The following SCTR variants were observed in gnomAD, a reference collection of about 807,000 sequenced individuals.
The protein encoded by SCTR is pancreatic secretin receptor.
Under a neutral mutation model 60.8 loss-of-function variants are expected in SCTR, and 56 were observed. The observed-to-expected ratio is 0.92, with a 90% CI of 0.74 to 1.15. The LOEUF is 1.15. SCTR is among the 50% of genes most tolerant of loss of function. The pLI, the probability that SCTR is intolerant of heterozygous loss-of-function variation, is 0.00. For missense variants in SCTR, 562 were observed against 550.4 expected, an observed-to-expected ratio of 1.02 and a Z score of -0.21; for synonymous variants, 202 against 217.0, an observed-to-expected ratio of 0.93 and a Z score of 0.61.
intron 2 of SCTR, among the ~76,000 whole-genome samples, chr2:119,488,997 G>A (rs1315444371): frequency 6.6e-6 from 1 of 152,136 alleles, no homozygotes; most frequent in African/African-American, 2.4e-5. Flanking sequence ...CAGACCCTCT[G>A]CCGCCACGGG....
chr2:119,502,169 T>C (rs1284599331), intron 1 of SCTR, among the ~76,000 whole-genome samples: 1 of 152,134 alleles, frequency 6.6e-6, no homozygotes, highest in East Asian at 1.9e-4. Flanking sequence ...GGCAGGAGGC[T>C]TAAGCCCATG....
chr2:119,465,844 A>G lies in SCTR; in HGVS notation c.448T>C (p.Tyr150His). The change falls in exon 5 of 13, where the codon TAC becomes CAC. Residue 150 changes from tyrosine (Y) to histidine (H), a missense_variant. By Grantham distance (83) the Tyr-to-His change is moderately conservative. Transcript: ENST00000019103. The part of the protein sequence containing the change: ...LKLKVMYTVG[Y>H]SSSLVMLLVA... ...AGGAGCATGACCAGGGAGGAGCTGT[A>G]GCCCACGGTGTACATGACTTTCAGC... 1 of 1,614,084 alleles carries G rather than the reference A, an allele frequency of 6.2e-7. No homozygotes were observed. Among genetic ancestry groups the G allele is most frequent in the Non-Finnish European group, 8.5e-7 (1 of 1,179,962 alleles).
At chr2:119,519,820 A>G (rs1430603781) in intron 1 of SCTR, among the ~76,000 whole-genome samples, 2 of 123,830 alleles carry the variant, frequency 1.6e-5, no homozygotes, top group African/African-American at 2.8e-5. Context: ...CAAAAAAAAA[A>G]AAAAAAAGAA....
At position 119,455,263 on chromosome 2, in the gene SCTR, T is replaced by C. The variant is rs1404646495; in HGVS notation, c.791-1916A>G. Among the ~76,000 whole-genome samples the C allele has an allele frequency of 2.6e-5, 4 of 152,210 alleles. No individual in the cohort carries two copies. The East Asian group carries it at 7.7e-4, about 29-fold the overall frequency. ...TGAACAGCCCCAGACAAAGAGCCTA[T>C]AGATAGCCATGGGGGGACCCCCCAA... is the stretch of plus-strand genomic sequence containing the variant. On this transcript the variant is annotated intron_variant, in intron 7 of 12. Coordinates refer to ENST00000019103, the MANE Select transcript of SCTR (RefSeq NM_002980.3).
chr2:119,490,046 C>T (rs1449749496), intron 2 of SCTR, among the ~76,000 whole-genome samples: 1 of 152,206 alleles, frequency 6.6e-6, no homozygotes, highest in African/African-American at 2.4e-5. Flanking sequence ...TTTGGCTGCA[C>T]CTCTGGCTGG....
At chr2:119,501,751 T>C (rs1678558700) in intron 1 of SCTR, among the ~76,000 whole-genome samples, 1 of 151,780 alleles carries the variant, frequency 6.6e-6, no homozygotes, top group South Asian at 2.1e-4. Context: ...TATGTAAAAC[T>C]ATGATACACC....
chr2:119,454,810 C>T (rs576119534), intron 7 of SCTR, among the ~76,000 whole-genome samples: 18 of 151,448 alleles, frequency 1.2e-4, no homozygotes, highest in Admixed American at 5.3e-4. Context: ...GTCAAGATTG[C>T]GCCACTGCGC....
chr2:119,474,579 C>A (rs1441669423), intron 3 of SCTR, among the ~76,000 whole-genome samples: 2 of 152,188 alleles, frequency 1.3e-5, no homozygotes, highest in Non-Finnish European at 1.5e-5. Flanking sequence ...AGCCCTGCCA[C>A]CCCTTTGCTC....
chr2:119,461,058 T>C (rs1683584366), intron 7 of SCTR, among the ~76,000 whole-genome samples: 1 of 152,204 alleles, frequency 6.6e-6, no homozygotes, highest in Non-Finnish European at 1.5e-5. Context: ...ACAAAGCCGA[T>C]GTTACGAAAG....
At chr2:119,464,011 G>T in intron 6 of SCTR, 112 bp downstream of exon 6, 1 of 1,158,124 alleles carries the variant, frequency 8.6e-7, no homozygotes, top group Non-Finnish European at 1.3e-6. Context: ...GGTATTAAGT[G>T]CAGCCTCAGC....
At chr2:119,466,986 C>G (rs1474239761) in intron 4 of SCTR, among the ~76,000 whole-genome samples, 1 of 152,172 alleles carries the variant, frequency 6.6e-6, no homozygotes, top group Non-Finnish European at 1.5e-5. Flanking sequence ...ATACATTGCG[C>G]GCCTATGCAG....
intron 1 of SCTR, among the ~76,000 whole-genome samples, chr2:119,500,291 G>C (rs1678499884): frequency 1.3e-5 from 2 of 152,138 alleles, no homozygotes; most frequent in African/African-American, 4.8e-5. Context: ...TTGTAGTACA[G>C]CTATTATGGA....
intron 2 of SCTR, among the ~76,000 whole-genome samples, chr2:119,485,122 T>C (rs1677809752): frequency 6.6e-6 from 1 of 152,238 alleles, no homozygotes; most frequent in African/African-American, 2.4e-5. Context: ...GAGATCCCCC[T>C]GAACGTGGTG....
At chr2:119,513,669 A>T (rs2860796) in intron 1 of SCTR, among the ~76,000 whole-genome samples, 23 of 152,110 alleles carry the variant, frequency 1.5e-4, no homozygotes, top group Middle Eastern at 6.8e-3. Context: ...TTTTAAATCC[A>T]CTTTCTTTTT....
intron 2 of SCTR, chr2:119,479,345 G>T: frequency 2.2e-6 from 2 of 927,714 alleles, no homozygotes; most frequent in Non-Finnish European, 2.6e-6. Context: ...AGACCTAGCC[G>T]GCGTGGCACA....
chr2:119,464,416 T>C (rs6729195), intron 5 of SCTR, among the ~76,000 whole-genome samples, 161 bp from the exon 6 acceptor site: 26,547 of 149,644 alleles, frequency 0.18, 2,515 homozygotes, highest in East Asian at 0.3. Flanking sequence ...GAACTGGGTC[T>C]CCAGGTGGCC....
chr2:119,487,435 G>A (rs1677916316), intron 2 of SCTR: 1 of 152,220 alleles, frequency 6.6e-6, no homozygotes, highest in South Asian at 2.1e-4. Flanking sequence ...CCCACTTGAA[G>A]GCAAGGTCAC....
At chr2:119,462,582 G>T (rs767525594) in intron 6 of SCTR, among the ~76,000 whole-genome samples, 2 of 152,202 alleles carry the variant, frequency 1.3e-5, no homozygotes, top group Non-Finnish European at 2.9e-5. Context: ...TCTTTTAACA[G>T]GCATGTCCCC....
rs149164087 is a variant in SCTR, at chr2:119,463,636, T to G, written c.636+487A>C. Among the ~76,000 whole-genome samples the G allele has an allele frequency of 2.2e-4, 33 of 152,326 alleles. 1 individual carries two copies. The East Asian group carries it at 6.4e-3, about 29-fold the overall frequency. The stretch of plus-strand genomic sequence containing the variant: ...AATCCCAACTGACACACAGGGTGAT[T>G]GCAATGAATTGAGTCATCTGGGCAT... On this transcript the variant is annotated intron_variant, in intron 6 of 12. Transcript: ENST00000019103.
Sources: gnomAD v4.1 joint callset for allele counts (sites outside exome capture counted in the v4.1 genomes callset) on GRCh38, gnomAD v4.1.1 for gene constraint, MANE v1.5 for transcripts, NCBI Gene and HGNC (gene_info 2026-07-23, HGNC 2026-07-21) for gene names.